SPOCK2: variants seen among roughly 807,000 people sequenced by gnomAD.
SPOCK2 encodes testican-2.
SPOCK2 carries 39 observed loss-of-function variants against 60.1 expected under a neutral mutation model. That is an observed-to-expected ratio of 0.65 (90% CI 0.50 to 0.85). The LOEUF (loss-of-function observed/expected upper bound fraction) is 0.85. Ranked by LOEUF, SPOCK2 falls within the 40% of genes least tolerant of loss-of-function variation. SPOCK2 has a pLI of 0.00. For synonymous variants in SPOCK2, 217 were observed against 231.5 expected, an observed-to-expected ratio of 0.94 and a Z score of 0.57; for missense variants, 523 against 567.4, an observed-to-expected ratio of 0.92 and a Z score of 0.80.
intron 10 of SPOCK2, 23 bp downstream of exon 10, chr10:72,063,002 G>A: frequency 3.2e-6 from 5 of 1,564,356 alleles, no homozygotes; most frequent in Non-Finnish European, 3.5e-6. Flanking sequence ...CCCCCAGCAG[G>A]CCCTGAGCTG....
At chr10:72,067,809 C>G in intron 6 of SPOCK2, 77 bp from the exon 7 acceptor site, 1 of 1,555,788 alleles carries the variant, frequency 6.4e-7, no homozygotes, top group Non-Finnish European at 8.7e-7. Context: ...GGATCCTGCC[C>G]TACAGGCCAG....
intron 5 of SPOCK2, 52 bp downstream of exon 5, chr10:72,070,260 T>C (rs1589120292): frequency 6.3e-7 from 1 of 1,575,238 alleles, no homozygotes; most frequent in African/African-American, 1.3e-5. Context: ...TTCTGCTTCC[T>C]GTGGCCTCAG....
intron 1 of SPOCK2, among the ~76,000 whole-genome samples, chr10:72,083,774 ATTG>A (rs753097468): frequency 1.3e-5 from 2 of 151,964 alleles, no homozygotes; most frequent in Non-Finnish European, 2.9e-5. Flanking sequence ...TCAAACCCCA[ATTG>A]TTGTTGTTGT....
intron 1 of SPOCK2, among the ~76,000 whole-genome samples, chr10:72,074,979 T>C (rs1415047249): frequency 6.6e-6 from 1 of 151,762 alleles, no homozygotes; most frequent in African/African-American, 2.4e-5. Context: ...CCTGGGAGCC[T>C]GTGGGGCACC....
Position 72,087,190 on chromosome 10 carries a change from A to G in SPOCK2, c.189+950T>C, listed in dbSNP as rs1002129291. Among the ~76,000 whole-genome samples, 1 of 149,218 alleles carries G rather than the reference A, an allele frequency of 6.7e-6. No individual in the cohort carries two copies. Among genetic ancestry groups the G allele is most frequent in the East Asian group, 2.0e-4 (1 of 5,030 alleles). ...CTCACCCCTGCTTCCCCAGCCCCCA[A>G]CCCGGCCCGGCCGAGAGGAAGGAGC... On this transcript the variant is annotated intron_variant, in intron 1 of 10. Transcript: ENST00000373109. This position sits in a 1 kb window ranked among gnomAD's most constrained non-coding sequence, Gnocchi z 4.7.
chr10:72,075,591 T>C (rs1840705776), intron 1 of SPOCK2, among the ~76,000 whole-genome samples: 1 of 152,130 alleles, frequency 6.6e-6, no homozygotes, highest in Non-Finnish European at 1.5e-5. Context: ...ATTAGAAATT[T>C]GGGGGAAAGT....
rs1840514085 is a variant in SPOCK2, at chr10:72,062,913, G to A, written c.1130-8C>T. The A allele has an allele frequency of 6.3e-7, 1 of 1,597,250 alleles. No homozygotes were observed. The highest frequency in any genetic ancestry group is 1.3e-5 in the African/African-American group (1 of 74,600). ...AGAAGCCCACGATGTCATCTGTGAG[G>A]GGATCAAGCCAACAGGGGGTGAGGG... On this transcript the variant is annotated splice_region_variant and splice_polypyrimidine_tract_variant and intron_variant, in intron 10 of 10. Transcript: ENST00000373109. The surrounding 1 kb of genome is among the most constrained non-coding windows in gnomAD (Gnocchi z 4.3).
chr10:72,069,466 T>A (rs1018671821), intron 5 of SPOCK2, among the ~76,000 whole-genome samples: 1 of 150,864 alleles, frequency 6.6e-6, no homozygotes, highest in African/African-American at 2.4e-5. Context: ...ATTTCTATGT[T>A]ACTTTTTTTT....
rs1463813500 is a variant in SPOCK2, at chr10:72,068,244, C to T, written c.532G>A (p.Gly178Ser). The part of the protein sequence containing the change: ...SSKQLAVRCE[G>S]PCPCPTEQAA... Reference sequence around the variant, plus strand: ...TGCTCCGTGGGGCAGGGGCAGGGGCCCTCGCATCGCACCGCCAGCTGCTTG... The same window carrying T: ...TGCTCCGTGGGGCAGGGGCAGGGGCTCTCGCATCGCACCGCCAGCTGCTTG... The change falls in exon 6 of 11, where the codon GGC becomes AGC. Residue 178 changes from glycine (G) to serine (S), a missense_variant. Gly to Ser is a moderately conservative substitution (Grantham distance 56). Coordinates refer to ENST00000373109, the MANE Select transcript of SPOCK2 (RefSeq NM_001244950.2). The T allele has an allele frequency of 6.2e-7, 1 of 1,611,994 alleles. No homozygotes were observed. Among genetic ancestry groups the T allele is most frequent in the Admixed American group, 1.7e-5 (1 of 59,854 alleles).
chr10:72,077,457 C>T (rs764436836), intron 1 of SPOCK2, among the ~76,000 whole-genome samples: 18 of 152,134 alleles, frequency 1.2e-4, no homozygotes, highest in African/African-American at 3.4e-4. Context: ...CCTTCCAGCA[C>T]GCACATGCTA....
At chr10:72,079,837 G>T (rs1194543003) in intron 1 of SPOCK2, among the ~76,000 whole-genome samples, 1 of 151,972 alleles carries the variant, frequency 6.6e-6, no homozygotes, top group African/African-American at 2.4e-5. Flanking sequence ...CACCACCAAG[G>T]ACTCAGGGGC....
chr10:72,078,308 G>A (rs905812840), intron 1 of SPOCK2, among the ~76,000 whole-genome samples: 9 of 152,088 alleles, frequency 5.9e-5, no homozygotes, highest in African/African-American at 2.2e-4. Flanking sequence ...GAGGTCAGGA[G>A]ATCGAGCACC....
intron 8 of SPOCK2, among the ~76,000 whole-genome samples, chr10:72,066,150 A>G (rs1358624532): frequency 6.6e-6 from 1 of 152,034 alleles, no homozygotes; most frequent in African/African-American, 2.4e-5. Context: ...AAATTTCATC[A>G]CATCTCTAAG....
chr10:72,077,335 G>T (rs1183974982), intron 1 of SPOCK2, among the ~76,000 whole-genome samples: 1 of 152,046 alleles, frequency 6.6e-6, no homozygotes, highest in African/African-American at 2.4e-5. Flanking sequence ...TTGATATGCT[G>T]CCCAGGCTGA....
rs745730696 is a variant in SPOCK2, at chr10:72,062,865, G to A, written c.1170C>T (p.Val390=). The A allele has an allele frequency of 5.0e-6, 8 of 1,602,108 alleles. No individual in the cohort carries two copies. The highest frequency in any genetic ancestry group is 1.7e-4 in the Middle Eastern group (1 of 6,052). Residue 390 remains valine, a synonymous_variant, in exon 11 of 11, where the codon GTC becomes GTT. Transcript: ENST00000373109. The surrounding 1 kb of genome is among the most constrained non-coding windows in gnomAD (Gnocchi z 4.3). ...CCTTCTCCTCCTCATCCTCCCAGCCGACACCGCTTCCAAAGTCCCCCGAGA... is the reference window on the plus strand; with the variant it reads ...CCTTCTCCTCCTCATCCTCCCAGCCAACACCGCTTCCAAAGTCCCCCGAGA... ...VGFSGDFGSG[V]GWEDEEEKET...
intron 8 of SPOCK2, among the ~76,000 whole-genome samples, chr10:72,066,373 T>C (rs1477215826): frequency 2.0e-5 from 3 of 151,992 alleles, no homozygotes; most frequent in Non-Finnish European, 4.4e-5. Context: ...GTTCTTGCTC[T>C]GTTGCTCAGG....
chr10:72,084,822 G>C (rs927173237), intron 1 of SPOCK2, among the ~76,000 whole-genome samples: 20 of 152,168 alleles, frequency 1.3e-4, no homozygotes, highest in Non-Finnish European at 4.4e-5. Context: ...AGAGGCACAA[G>C]AGACCACTCA....
At chr10:72,071,223 T>C (rs1418445644) in intron 4 of SPOCK2, among the ~76,000 whole-genome samples, 2 of 151,700 alleles carry the variant, frequency 1.3e-5, no homozygotes, top group African/African-American at 2.4e-5. Flanking sequence ...GGAGTCTCAC[T>C]CTGTCACCCA....
At position 72,088,482 on chromosome 10, in the gene SPOCK2, A is replaced by C. The variant is rs2131827323; in HGVS notation, c.-154T>G. ...TGGCGGAGAGTGGGTCGCGGCTGAA[A>C]TGTGACCTGGTTAGGAGATGCACTT... On this transcript the variant is annotated 5_prime_UTR_variant, in exon 1 of 11. Coordinates refer to ENST00000373109, the MANE Select transcript of SPOCK2 (RefSeq NM_001244950.2). 1 of 855,134 alleles carries C rather than the reference A, an allele frequency of 1.2e-6. No homozygotes were observed. The highest frequency in any genetic ancestry group is 1.7e-6 in the Non-Finnish European group (1 of 572,946). 53.0% of individuals were successfully genotyped at this position (855,134 alleles called of 1,614,324 possible). A position where few individuals can be genotyped will look rare whatever the true frequency, so the allele number is the denominator to read the frequency against.
Sources: gnomAD v4.1 joint callset for allele counts (sites outside exome capture counted in the v4.1 genomes callset) on GRCh38, gnomAD v4.1.1 for gene constraint, Gnocchi (gnomAD v3.1) non-coding constraint, MANE v1.5 for transcripts, NCBI Gene and HGNC (gene_info 2026-07-23, HGNC 2026-07-21) for gene names.